Variants in KIF26B observed in about 807,000 individuals in gnomAD.
KIF26B encodes the protein kinesin-like protein KIF26B.
A neutral mutation model predicts 151.2 loss-of-function variants in KIF26B; 63 were observed. The observed-to-expected ratio is 0.42, with a 90% CI of 0.34 to 0.51. The LOEUF is 0.51. KIF26B is among the 20% of genes least tolerant of loss of function. The probability of loss-of-function intolerance (pLI) is 0.07; values close to 1 mark genes in which losing one functional copy is unlikely to be tolerated. For missense variants in KIF26B, 2,813 were observed against 2,913.6 expected, an observed-to-expected ratio of 0.97 and a Z score of 0.79; for synonymous variants, 1,357 against 1,262.1, an observed-to-expected ratio of 1.08 and a Z score of -1.59.
rs551866862 is a variant in KIF26B, at chr1:245,484,034, A to G, written c.1167-56733A>G. ...TCCTCATTCTAATGCCCTCTCTTGAATTGTTAGTTCTTTGCTTTAATGACG... is the reference window on the plus strand; with the variant it reads ...TCCTCATTCTAATGCCCTCTCTTGAGTTGTTAGTTCTTTGCTTTAATGACG... On this transcript the variant is annotated intron_variant, in intron 4 of 14. Transcript: ENST00000407071. 5.9e-5 allele frequency among the ~76,000 whole-genome samples: 9 copies of G among 151,392 alleles called. No homozygotes were observed. In the South Asian group the frequency reaches 1.3e-3, roughly 21 times the overall value.
rs2044798748 is a variant in KIF26B, at chr1:245,703,335, C to T, written c.*729C>T. The T allele has an allele frequency of 1.3e-5, 2 of 152,372 alleles. No individual in the cohort carries two copies. The highest frequency in any genetic ancestry group is 4.8e-5 in the African/African-American group (2 of 41,450). 9.4% of individuals were successfully genotyped at this position (152,372 alleles called of 1,614,324 possible). ...TGTTTCCAAAGTAGGTTTGGAGCAG[C>T]AGGTGACCTCGATGCCACATCCCAA... On this transcript the variant is annotated 3_prime_UTR_variant, in exon 15 of 15. Coordinates refer to ENST00000407071, the MANE Select transcript of KIF26B (RefSeq NM_018012.4).
intron 2 of KIF26B, among the ~76,000 whole-genome samples, chr1:245,303,397 A>G (rs1206995561): frequency 1.3e-5 from 2 of 150,434 alleles, no homozygotes; most frequent in Non-Finnish European, 2.9e-5. Flanking sequence ...ACGGGGTTTC[A>G]CCGTGTTAGC....
intron 4 of KIF26B, among the ~76,000 whole-genome samples, chr1:245,443,264 G>A (rs1439450120): frequency 7.4e-6 from 1 of 134,256 alleles, no homozygotes; most frequent in African/African-American, 2.9e-5. Flanking sequence ...TTAGAGGAGA[G>A]GTCATCTCCC....
intron 1 of KIF26B, 130 bp from the exon 2 acceptor site, chr1:245,156,152 C>T: frequency 1.5e-6 from 2 of 1,363,276 alleles, no homozygotes; most frequent in East Asian, 5.4e-5. Context: ...GGCCGCAGGG[C>T]TTGGAGAGGT....
intron 5 of KIF26B, among the ~76,000 whole-genome samples, chr1:245,569,533 G>T (rs1035328470): frequency 1.3e-5 from 2 of 151,872 alleles, no homozygotes; most frequent in Admixed American, 6.6e-5. Context: ...CTTGAACCTG[G>T]GAGGCAGAGG....
At position 245,419,842 on chromosome 1, in the gene KIF26B, G is replaced by A. The variant is rs920116620; in HGVS notation, c.1166+97G>A. 7.7e-6 allele frequency: 9 copies of A among 1,161,882 alleles called. No individual in the cohort carries two copies. The African/African-American group carries it at 1.4e-4, about 18-fold the overall frequency. 72.0% of individuals were successfully genotyped at this position (1,161,882 alleles called of 1,614,324 possible). ...CAGCTGAAACACTAGAAAGAGTTTG[G>A]GGCCGTTCTGTGATGTCATTCATTA... On this transcript the variant is annotated intron_variant, in intron 4 of 14. Transcript: ENST00000407071.
chr1:245,514,179 A>G (rs1191752108), intron 4 of KIF26B, among the ~76,000 whole-genome samples: 1 of 152,228 alleles, frequency 6.6e-6, no homozygotes, highest in Non-Finnish European at 1.5e-5. Context: ...TACATATTTT[A>G]AAACAATGTG....
intron 4 of KIF26B, among the ~76,000 whole-genome samples, chr1:245,521,294 A>G (rs5006103): frequency 3.1e-3 from 476 of 151,116 alleles, no homozygotes; most frequent in African/African-American, 7.8e-3. Context: ...CCGAGATCGC[A>G]CCACTGCACT....
At chr1:245,325,707 A>AT (rs1294047896) in intron 2 of KIF26B, among the ~76,000 whole-genome samples, 1 of 151,990 alleles carries the variant, frequency 6.6e-6, no homozygotes, top group Non-Finnish European at 1.5e-5. Flanking sequence ...GTGAGACTCC[A>AT]TTTAAAAAAA....
At chr1:245,440,234 A>G (rs573314575) in intron 4 of KIF26B, among the ~76,000 whole-genome samples, 61 of 152,022 alleles carry the variant, frequency 4.0e-4, no homozygotes, top group African/African-American at 1.4e-3. Context: ...AAAAAAAAAA[A>G]CTAAAAGGTT....
intron 2 of KIF26B, among the ~76,000 whole-genome samples, chr1:245,198,974 A>T (rs1471430883): frequency 7.9e-5 from 12 of 152,010 alleles, no homozygotes; most frequent in Non-Finnish European, 1.2e-4. Flanking sequence ...GTGGCCGCTG[A>T]GCTGAGCTGA....
chr1:245,197,726 C>T (rs544495563), intron 2 of KIF26B, among the ~76,000 whole-genome samples: 12 of 152,114 alleles, frequency 7.9e-5, no homozygotes, highest in African/African-American at 1.9e-4. Context: ...AAAGTGCCCC[C>T]GGGGAAGTGT....
intron 2 of KIF26B, among the ~76,000 whole-genome samples, chr1:245,255,648 C>T (rs1670519134): frequency 6.6e-6 from 1 of 152,228 alleles, no homozygotes; most frequent in African/African-American, 2.4e-5. Context: ...GAAGGCAGTG[C>T]TGCCAGGCTC....
chr1:245,528,374 G>A (rs1464424176), intron 4 of KIF26B, among the ~76,000 whole-genome samples: 1 of 152,178 alleles, frequency 6.6e-6, no homozygotes, highest in Non-Finnish European at 1.5e-5. Flanking sequence ...CTGTTCACAG[G>A]TAGGATAGTG....
At chr1:245,434,493 A>G (rs1658856340) in intron 4 of KIF26B, among the ~76,000 whole-genome samples, 1 of 152,178 alleles carries the variant, frequency 6.6e-6, no homozygotes, top group South Asian at 2.1e-4. Flanking sequence ...CCTAGTGGCC[A>G]TAGCAGATAC....
At chr1:245,658,547 T>A (rs1173595334) in intron 10 of KIF26B, among the ~76,000 whole-genome samples, 1 of 152,118 alleles carries the variant, frequency 6.6e-6, no homozygotes, top group Non-Finnish European at 1.5e-5. Flanking sequence ...TGCACCACCA[T>A]GCCTGGCTAA....
intron 4 of KIF26B, among the ~76,000 whole-genome samples, chr1:245,472,199 C>A (rs1659930911): frequency 6.6e-6 from 1 of 152,212 alleles, no homozygotes; most frequent in Non-Finnish European, 1.5e-5. Flanking sequence ...AGAGGGAGAG[C>A]ACCAGGCCTG....
chr1:245,618,979 A>G (rs1178302532), intron 9 of KIF26B, among the ~76,000 whole-genome samples: 2,162 of 124,948 alleles, frequency 0.017, 70 homozygotes, highest in Admixed American at 0.052. Flanking sequence ...TGTCCACTGC[A>G]TCAGTGTCCA....
chr1:245,624,077 G>T (rs1388214145), intron 9 of KIF26B, among the ~76,000 whole-genome samples: 1 of 152,004 alleles, frequency 6.6e-6, no homozygotes, highest in Non-Finnish European at 1.5e-5. Flanking sequence ...CTGCTCACTC[G>T]CTCTCTCTCC....
Sources: allele counts gnomAD v4.1 joint callset (sites outside exome capture counted in the v4.1 genomes callset), GRCh38; gene constraint gnomAD v4.1.1; transcripts MANE v1.5; gene names NCBI Gene and HGNC (gene_info 2026-07-23, HGNC 2026-07-21).